The following SEPTIN9 variants were observed in gnomAD, a reference collection of about 807,000 sequenced individuals.
SEPTIN9 encodes septin 9.
Under a neutral mutation model 56.6 loss-of-function variants are expected in SEPTIN9, and 13 were observed. That is an observed-to-expected ratio of 0.23 (90% confidence interval 0.15 to 0.37). The LOEUF (loss-of-function observed/expected upper bound fraction) is 0.37, where lower values mean the gene tolerates loss of function less well. Among genes scored for constraint, SEPTIN9 ranks in the 10% least tolerant of loss-of-function variants. The pLI, the probability that SEPTIN9 is intolerant of heterozygous loss-of-function variation, is 1.00. For missense variants in SEPTIN9, 650 were observed against 823.1 expected, an observed-to-expected ratio of 0.79 and a Z score of 2.57; for synonymous variants, 332 against 334.1, an observed-to-expected ratio of 0.99 and a Z score of 0.07.
chr17:77,432,706 C>T (rs966508862), intron 3 of SEPTIN9, among the ~76,000 whole-genome samples: 15 of 152,254 alleles, frequency 9.9e-5, no homozygotes, highest in African/African-American at 3.6e-4. Context: ...GCCTGCGGCA[C>T]TCACGCAGCA....
intron 2 of SEPTIN9, among the ~76,000 whole-genome samples, chr17:77,343,500 G>T (rs776155132): frequency 6.6e-6 from 1 of 152,162 alleles, no homozygotes. Context: ...TAATAAGTCA[G>T]CAATTTTAAG....
chr17:77,357,120 G>T (rs1327299081), intron 2 of SEPTIN9, among the ~76,000 whole-genome samples: 1 of 152,098 alleles, frequency 6.6e-6, no homozygotes, highest in African/African-American at 2.4e-5. Context: ...ATGCACTGAG[G>T]GCACAAAGGG....
rs1457904332 is a variant in SEPTIN9 at position 77,421,856 on chromosome 17, A to C, written c.721+19153A>C. 6.6e-6 allele frequency among the ~76,000 whole-genome samples: 1 copy of C among 151,986 alleles called. No individual in the cohort carries two copies. Among genetic ancestry groups the C allele is most frequent in the Non-Finnish European group, 1.5e-5 (1 of 67,976 alleles). ...GGTTCTGCTAAGCTCCATGGAGTGTAGGGATTTTTTTTGAGACGGTCTCTC... is the reference window on the plus strand; with the variant it reads ...GGTTCTGCTAAGCTCCATGGAGTGTCGGGATTTTTTTTGAGACGGTCTCTC... On this transcript the variant is annotated intron_variant, in intron 3 of 11. Coordinates refer to ENST00000427177, the MANE Select transcript of SEPTIN9 (RefSeq NM_001113491.2). The surrounding 1 kb of genome is among the most constrained non-coding windows in gnomAD (Gnocchi z 4.6).
chr17:77,363,682 C>G (rs537656260), intron 2 of SEPTIN9, among the ~76,000 whole-genome samples: 1 of 152,206 alleles, frequency 6.6e-6, no homozygotes, highest in South Asian at 2.1e-4. Flanking sequence ...GCCACTGTGC[C>G]CAGCCGAGCC....
chr17:77,292,320 C>T (rs1014765096), intron 1 of SEPTIN9, among the ~76,000 whole-genome samples: 1 of 152,174 alleles, frequency 6.6e-6, no homozygotes, highest in South Asian at 2.1e-4. Flanking sequence ...GTCTATGGCA[C>T]ATCCCTGTGT....
chr17:77,379,423 T>C (rs1598280372), intron 2 of SEPTIN9, among the ~76,000 whole-genome samples: 1 of 152,028 alleles, frequency 6.6e-6, no homozygotes, highest in Admixed American at 6.6e-5. Flanking sequence ...TCACCCAGGG[T>C]AATACAGATA....
intron 2 of SEPTIN9, among the ~76,000 whole-genome samples, chr17:77,390,298 G>T (rs1196395426): frequency 7.3e-6 from 1 of 136,564 alleles, no homozygotes; most frequent in African/African-American, 2.8e-5. Context: ...AGTGAGCAGA[G>T]ATGGCACCAC....
intron 3 of SEPTIN9, among the ~76,000 whole-genome samples, chr17:77,409,069 C>T (rs545208155): frequency 3.0e-4 from 45 of 152,236 alleles, no homozygotes; most frequent in African/African-American, 8.9e-4. Context: ...AAGGCACTGA[C>T]GTTCCTGCCG....
chr17:77,433,429 C>T lies in SEPTIN9; in HGVS notation c.721+30726C>T, dbSNP rs1247814685. Among the ~76,000 whole-genome samples, 1 of 151,838 alleles carries T rather than the reference C, an allele frequency of 6.6e-6. No homozygotes were observed. The highest frequency in any genetic ancestry group is 1.9e-4 in the East Asian group (1 of 5,166). On this transcript the variant is annotated intron_variant, in intron 3 of 11. Transcript: ENST00000427177. This position sits in a 1 kb window ranked among gnomAD's most constrained non-coding sequence, Gnocchi z 6.4. The stretch of plus-strand genomic sequence containing the variant: ...GGCCAACAGGGTCTGCTTAGGTGTC[C>T]GTCCTGTTGGGGCAGCAGGGAAGGG...
chr17:77,423,991 G>A (rs1450756426), intron 3 of SEPTIN9, among the ~76,000 whole-genome samples: 1 of 152,204 alleles, frequency 6.6e-6, no homozygotes, highest in Non-Finnish European at 1.5e-5. Flanking sequence ...CCTGTCCTTG[G>A]CTCACTTTCT....
rs1338471494 is a variant in SEPTIN9 at position 77,330,405 on chromosome 17, C to G, written c.76+23208C>G. 6.6e-6 allele frequency among the ~76,000 whole-genome samples: 1 copy of G among 152,154 alleles called. No homozygotes were observed. The stretch of plus-strand genomic sequence containing the variant: ...GACTCATTGATCATGGGACTGACAC[C>G]CCCTCATGTTGATGTGGGCCCTGAG... On this transcript the variant is annotated intron_variant, in intron 2 of 11. Transcript: ENST00000427177. The surrounding 1 kb of genome is among the most constrained non-coding windows in gnomAD (Gnocchi z 4.4).
intron 3 of SEPTIN9, among the ~76,000 whole-genome samples, chr17:77,462,665 C>A (rs984074809): frequency 1.3e-5 from 2 of 151,534 alleles, no homozygotes; most frequent in African/African-American, 2.4e-5. Context: ...TTGTTTATTT[C>A]TTTTGCTTGT....
chr17:77,282,900 C>T (rs747491432), intron 1 of SEPTIN9, among the ~76,000 whole-genome samples: 12 of 152,312 alleles, frequency 7.9e-5, no homozygotes, highest in Middle Eastern at 3.4e-3. Flanking sequence ...GGATCTCTAG[C>T]CCGCCCAGGG....
At chr17:77,354,815 C>T (rs1375442795) in intron 2 of SEPTIN9, among the ~76,000 whole-genome samples, 6 of 152,066 alleles carry the variant, frequency 3.9e-5, no homozygotes, top group Non-Finnish European at 7.4e-5. Flanking sequence ...TTGCACTTTG[C>T]GTCCTTGAGG....
chr17:77,481,903 T>C (rs2039470528), intron 3 of SEPTIN9: 2 of 566,886 alleles, frequency 3.5e-6, no homozygotes, highest in Middle Eastern at 4.7e-4. Context: ...GCCTTGGGAG[T>C]CTGGGGATGG....
At chr17:77,349,628 A>G (rs774496549) in intron 2 of SEPTIN9, among the ~76,000 whole-genome samples, 6 of 152,190 alleles carry the variant, frequency 3.9e-5, no homozygotes, top group Non-Finnish European at 8.8e-5. Flanking sequence ...ATTGCTCAGT[A>G]CCTACCTCTG....
intron 3 of SEPTIN9, chr17:77,446,884 T>G (rs1186769939): frequency 6.0e-6 from 1 of 167,154 alleles, no homozygotes; most frequent in Non-Finnish European, 1.5e-5. Flanking sequence ...ACACGTTGAA[T>G]TCTGTTGCTT....
chr17:77,357,831 C>A (rs1210665922), intron 2 of SEPTIN9, among the ~76,000 whole-genome samples: 1 of 152,184 alleles, frequency 6.6e-6, no homozygotes, highest in Non-Finnish European at 1.5e-5. Context: ...CACCCAGGAC[C>A]ACTTCTCACA....
intron 3 of SEPTIN9, among the ~76,000 whole-genome samples, chr17:77,403,752 T>G (rs374698469): frequency 4.6e-5 from 7 of 152,216 alleles, no homozygotes; most frequent in African/African-American, 7.2e-5. Context: ...AGCTGCTGCT[T>G]CTTATTTCTA....
Sources: gnomAD v4.1 joint callset for allele counts (sites outside exome capture counted in the v4.1 genomes callset) on GRCh38, gnomAD v4.1.1 for gene constraint, Gnocchi (gnomAD v3.1) non-coding constraint, MANE v1.5 for transcripts, NCBI Gene and HGNC (gene_info 2026-07-23, HGNC 2026-07-21) for gene names.